VSX2: variants seen among roughly 807,000 people sequenced by gnomAD.
VSX2 encodes the protein visual system homeobox 2.
In VSX2, 28 loss-of-function variants were observed where a neutral mutation model predicts 32.1. The observed-to-expected ratio is 0.87, with a 90% CI of 0.65 to 1.20. The LOEUF (loss-of-function observed/expected upper bound fraction) is 1.20. Among genes scored for constraint, VSX2 ranks in the 50% most tolerant of loss-of-function variants. VSX2 has a pLI of 0.00. For synonymous variants in VSX2, 243 were observed against 214.1 expected, an observed-to-expected ratio of 1.14 and a Z score of -1.18; for missense variants, 506 against 488.7, an observed-to-expected ratio of 1.04 and a Z score of -0.33.
At chr14:74,258,305 C>T (rs560322001) in intron 3 of VSX2, among the ~76,000 whole-genome samples, 3 of 152,276 alleles carry the variant, frequency 2.0e-5, no homozygotes, top group East Asian at 1.9e-4. Flanking sequence ...TCAATCAGCC[C>T]AGGGCTGCCC....
At position 74,261,040 on chromosome 14, in the gene VSX2, C is replaced by A; in HGVS notation, c.*121C>A. ...CCTCTGCCATCCTCCCTGTTCCCCA[C>A]AGGTCCTCCATCACCCCTGGTGGCT... is the stretch of plus-strand genomic sequence containing the variant. On this transcript the variant is annotated 3_prime_UTR_variant, in exon 5 of 5. Coordinates refer to ENST00000261980, the MANE Select transcript of VSX2 (RefSeq NM_182894.3). 2 of 1,203,542 alleles carry A rather than the reference C, an allele frequency of 1.7e-6. No individual in the cohort carries two copies. The highest frequency in any genetic ancestry group is 2.1e-5 in the Admixed American group (1 of 46,586). The allele number at this position is 1,203,542 out of a possible 1,614,324, so 74.6% of individuals were successfully genotyped here. A position where few individuals can be genotyped will look rare whatever the true frequency, so the allele number is the denominator to read the frequency against.
chr14:74,239,749 C>A lies in VSX2; in HGVS notation c.188C>A (p.Ala63Glu). The A allele has an allele frequency of 1.9e-6, 3 of 1,550,118 alleles. No individual in the cohort carries two copies. Among genetic ancestry groups the A allele is most frequent in the Non-Finnish European group, 2.6e-6 (3 of 1,147,390 alleles). Reference protein sequence around the residue: ...LDGLAPGHLLAARSVLSPAGV... With the variant: ...LDGLAPGHLLEARSVLSPAGV... Reference sequence around the variant, plus strand: ...GGCCTGGCCCCCGGGCACTTGCTGGCGGCGCGCTCAGTGCTCAGCCCCGCG... The same window carrying A: ...GGCCTGGCCCCCGGGCACTTGCTGGAGGCGCGCTCAGTGCTCAGCCCCGCG... The change falls in exon 1 of 5, where the codon GCG (alanine) becomes GAG (glutamate). Residue 63 changes from alanine (A) to glutamate (E), a missense_variant. Ala to Glu is a moderately radical substitution (Grantham distance 107, BLOSUM62 -1). Coordinates refer to ENST00000261980, the MANE Select transcript of VSX2 (RefSeq NM_182894.3).
Position 74,239,842 on chromosome 14 carries a change from T to C in VSX2, c.281T>C (p.Leu94Pro). The change falls in exon 1 of 5, where the codon CTG becomes CCG. Residue 94 changes from leucine (L) to proline (P), a missense_variant. Transcript: ENST00000261980. ...LPGFYTQPTF[L>P]EVLSDPQSVH... ...GGCTTCTACACGCAGCCCACCTTCC[T>C]GGAAGTGCTGTCCGACCCGCAGAGC... The C allele has an allele frequency of 6.3e-7, 1 of 1,578,218 alleles. No homozygotes were observed. The highest frequency in any genetic ancestry group is 1.2e-5 in the South Asian group (1 of 86,222).
intron 3 of VSX2, among the ~76,000 whole-genome samples, chr14:74,257,234 T>A (rs960391652): frequency 1.3e-4 from 20 of 152,342 alleles, no homozygotes; most frequent in Admixed American, 1.1e-3. Context: ...TGCCACTCCC[T>A]TCAGGGCAGG....
intron 3 of VSX2, among the ~76,000 whole-genome samples, chr14:74,252,679 G>A (rs773250229): frequency 6.6e-6 from 1 of 151,876 alleles, no homozygotes; most frequent in Non-Finnish European, 1.5e-5. Flanking sequence ...ATGAGCCACT[G>A]CGCTTGGCCA....
intron 3 of VSX2, among the ~76,000 whole-genome samples, chr14:74,245,748 C>A: frequency 6.6e-6 from 1 of 152,114 alleles, no homozygotes; most frequent in East Asian, 1.9e-4. Context: ...CTCCCCTCCC[C>A]ATGATGAAAG....
At chr14:74,249,315 G>A (rs750442580) in intron 3 of VSX2, among the ~76,000 whole-genome samples, 3 of 152,076 alleles carry the variant, frequency 2.0e-5, no homozygotes, top group Non-Finnish European at 4.4e-5. Context: ...GTGTCACCCA[G>A]TCTGGAGTGC....
At chr14:74,259,352 C>CT (rs1451148746) in intron 3 of VSX2, among the ~76,000 whole-genome samples, 1 of 152,138 alleles carries the variant, frequency 6.6e-6, no homozygotes, top group Non-Finnish European at 1.5e-5. Context: ...TCCTGCGCAC[C>CT]TGCAAGACCC....
chr14:74,260,486 G>C, intron 4 of VSX2, 108 bp from the exon 5 acceptor site: 1 of 1,157,724 alleles, frequency 8.6e-7, no homozygotes, highest in Non-Finnish European at 1.3e-6. Context: ...GGGGAGTAAG[G>C]CTTTCTGCTC....
rs55760618 is a variant in VSX2, at chr14:74,250,236, CAA to C, written c.579+4960_579+4961del. On this transcript the variant is annotated intron_variant, in intron 3 of 4. Coordinates refer to ENST00000261980, the MANE Select transcript of VSX2 (RefSeq NM_182894.3). The stretch of plus-strand genomic sequence containing the variant: ...TGGGTGACACAGCAGAATCCTGTTT[CAA>C]AAAAAAAAAAATTTTTTTTTTTAAA... Among the ~76,000 whole-genome samples the C allele has an allele frequency of 2.8e-3, 146 of 52,640 alleles. 1 individual carries two copies. The highest frequency in any genetic ancestry group is 5.7e-3 in the African/African-American group (121 of 21,180). The allele number at this position is 52,640 out of a possible 152,430, so 34.5% of individuals were successfully genotyped here.
rs925218696 is a variant in VSX2, at chr14:74,241,414, C to T, written c.455+148C>T. On this transcript the variant is annotated intron_variant, in intron 2 of 4. Transcript: ENST00000261980. ...AGGGCGCAGACCACGGGTTGTTTGGCGGAATCTGCCCGGGGGCCTTGGCGT... is the reference window on the plus strand; with the variant it reads ...AGGGCGCAGACCACGGGTTGTTTGGTGGAATCTGCCCGGGGGCCTTGGCGT... The T allele has an allele frequency of 8.8e-5, 79 of 898,482 alleles. No homozygotes were observed. In the African/African-American group the frequency reaches 1.2e-3, roughly 14 times the overall value. The allele number at this position is 898,482 out of a possible 1,614,324, so 55.7% of individuals were successfully genotyped here. A position where few individuals can be genotyped will look rare whatever the true frequency, so the allele number is the denominator to read the frequency against.
chr14:74,247,498 C>G (rs373107455), intron 3 of VSX2, among the ~76,000 whole-genome samples: 1 of 152,202 alleles, frequency 6.6e-6, no homozygotes, highest in Admixed American at 6.5e-5. Flanking sequence ...CCCCAGCTCA[C>G]TCGGTGTCAG....
intron 3 of VSX2, among the ~76,000 whole-genome samples, chr14:74,249,023 A>ATGTCTGAAGTCTAC (rs2079213277): frequency 6.6e-6 from 1 of 152,228 alleles, no homozygotes; most frequent in Admixed American, 6.5e-5. Flanking sequence ...AAACCCCTGC[A>ATGTCTGAAGTCTAC]TGTCTGAAGT....
intron 3 of VSX2, among the ~76,000 whole-genome samples, chr14:74,247,058 T>C (rs934607529): frequency 6.6e-6 from 1 of 151,930 alleles, no homozygotes; most frequent in African/African-American, 2.4e-5. Flanking sequence ...CCTGGGACTG[T>C]GAGGATTGGC....
chr14:74,256,232 A>G (rs2079261938), intron 3 of VSX2, among the ~76,000 whole-genome samples: 1 of 152,190 alleles, frequency 6.6e-6, no homozygotes, highest in Non-Finnish European at 1.5e-5. Flanking sequence ...GGAGTTCGAG[A>G]CCAGCCTGAC....
intron 3 of VSX2, among the ~76,000 whole-genome samples, chr14:74,255,406 A>G (rs2079257079): frequency 6.6e-6 from 1 of 152,226 alleles, no homozygotes; most frequent in African/African-American, 2.4e-5. Context: ...AAATTGGAGC[A>G]GCATCTGGTC....
intron 3 of VSX2, among the ~76,000 whole-genome samples, chr14:74,248,027 C>A (rs1000108432): frequency 4.6e-5 from 7 of 151,958 alleles, no homozygotes; most frequent in East Asian, 1.9e-4. Context: ...AGATGGGGAA[C>A]CTGAGGCACA....
Position 74,241,240 on chromosome 14 carries a change from C to A in VSX2, c.429C>A (p.Thr143=). The A allele has an allele frequency of 6.2e-7, 1 of 1,613,354 alleles. No individual in the cohort carries two copies. Among genetic ancestry groups the A allele is most frequent in the Non-Finnish European group, 8.5e-7 (1 of 1,179,998 alleles). ...RKMSKSALNQ[T]KKRKKRRHRT... ...TGTCCAAATCTGCTTTAAACCAGAC[C>A]AAGAAACGGAAGAAGCGGCGACACA... Residue 143 remains threonine (T), a synonymous_variant, in exon 2 of 5, where the codon ACC becomes ACA. Transcript: ENST00000261980.
At position 74,260,977 on chromosome 14, in the gene VSX2, T is replaced by A. The variant is rs2079303375; in HGVS notation, c.*58T>A. On this transcript the variant is annotated 3_prime_UTR_variant, in exon 5 of 5. Transcript: ENST00000261980. ...ACTCTGCTCTCCTCGGGCCCTGTGG[T>A]GCTGGGAGATGCTCTCTGAGGCAAG... 1 of 1,534,456 alleles carries A rather than the reference T, an allele frequency of 6.5e-7. No homozygotes were observed. Among genetic ancestry groups the A allele is most frequent in the Non-Finnish European group, 8.8e-7 (1 of 1,135,432 alleles).
Sources: gnomAD v4.1 joint callset for allele counts (sites outside exome capture counted in the v4.1 genomes callset) on GRCh38, gnomAD v4.1.1 for gene constraint, MANE v1.5 for transcripts, NCBI Gene and HGNC (gene_info 2026-07-23, HGNC 2026-07-21) for gene names.